Variants in FBLN1 observed in about 807,000 individuals in gnomAD.
FBLN1 encodes fibulin 1, also known as fibulin-1.
In FBLN1, 34 loss-of-function variants were observed where a neutral mutation model predicts 89.7. The observed-to-expected ratio is 0.38, with a 90% CI of 0.29 to 0.50. The LOEUF is 0.50. FBLN1 is among the 20% of genes least tolerant of loss of function. FBLN1 has a pLI of 0.92. For synonymous variants in FBLN1, 393 were observed against 391.3 expected, an observed-to-expected ratio of 1.00 and a Z score of -0.05; for missense variants, 777 against 988.1, an observed-to-expected ratio of 0.79 and a Z score of 2.86.
At chr22:45,554,308 C>T (rs2088748653) in intron 14 of FBLN1, among the ~76,000 whole-genome samples, 1 of 152,234 alleles carries the variant, frequency 6.6e-6, no homozygotes, top group African/African-American at 2.4e-5. Flanking sequence ...CATAGCTCCT[C>T]AGAGGCCCCC....
rs1174715012 is a variant in FBLN1 at position 45,562,110 on chromosome 22, T to A, written c.1697+11495T>A. 1.3e-5 allele frequency among the ~76,000 whole-genome samples: 2 copies of A among 152,212 alleles called. No individual in the cohort carries two copies. Among genetic ancestry groups the A allele is most frequent in the African/African-American group, 4.8e-5 (2 of 41,456 alleles). On this transcript the variant is annotated intron_variant, in intron 14 of 16. Transcript: ENST00000327858. The surrounding 1 kb of genome is among the most constrained non-coding windows in gnomAD (Gnocchi z 7.8). ...TTCAATCCAATCAAGTTGACACTAT[T>A]AACCATCACAGGACCTGTCCCCGTC...
chr22:45,586,495 C>A (rs1285499619), intron 16 of FBLN1, among the ~76,000 whole-genome samples: 1 of 152,216 alleles, frequency 6.6e-6, no homozygotes, highest in African/African-American at 2.4e-5. Flanking sequence ...GTGGACGGGA[C>A]CGTCATGGTC....
At position 45,575,092 on chromosome 22, in the gene FBLN1, C is replaced by G. The variant is rs1462772816; in HGVS notation, c.1840+439C>G. ...CCACCGCGCCTGGCAACTTGACATG[C>G]AGAACTTTCTTTGTGTCTGTGTCCC... On this transcript the variant is annotated intron_variant, in intron 15 of 16. Coordinates refer to ENST00000327858, the MANE Select transcript of FBLN1 (RefSeq NM_006486.3). The surrounding 1 kb of genome is among the most constrained non-coding windows in gnomAD (Gnocchi z 6.3). 6.6e-6 allele frequency among the ~76,000 whole-genome samples: 1 copy of G among 152,162 alleles called. No individual in the cohort carries two copies. Among genetic ancestry groups the G allele is most frequent in the Non-Finnish European group, 1.5e-5 (1 of 68,032 alleles).
At chr22:45,592,477 G>T (rs2089147070) in intron 16 of FBLN1, among the ~76,000 whole-genome samples, 1 of 152,110 alleles carries the variant, frequency 6.6e-6, no homozygotes. Context: ...ATAGGCGCCT[G>T]CCACCATGCC....
In FBLN1 at chr22:45,576,040, G is replaced by A. The variant is rs1327440973; in HGVS notation, c.1841-937G>A. On this transcript the variant is annotated intron_variant, in intron 15 of 16. Coordinates refer to ENST00000327858, the MANE Select transcript of FBLN1 (RefSeq NM_006486.3). This position sits in a 1 kb window ranked among gnomAD's most constrained non-coding sequence, Gnocchi z 5.2. ...TTTACACCATGACACAACCATGCGGGGGGGTGGGGGGAGGAGAGGCTCCCT... is the reference window on the plus strand; with the variant it reads ...TTTACACCATGACACAACCATGCGGAGGGGTGGGGGGAGGAGAGGCTCCCT... Among the ~76,000 whole-genome samples, 1 of 152,198 alleles carries A rather than the reference G, an allele frequency of 6.6e-6. No individual in the cohort carries two copies. Among genetic ancestry groups the A allele is most frequent in the Non-Finnish European group, 1.5e-5 (1 of 68,034 alleles).
At chr22:45,551,862 T>G (rs1480977594) in intron 14 of FBLN1, among the ~76,000 whole-genome samples, 2 of 152,242 alleles carry the variant, frequency 1.3e-5, no homozygotes, top group Non-Finnish European at 1.5e-5. Context: ...GGCTTGAGGA[T>G]TCCAGGAGGC....
Position 45,574,684 on chromosome 22 carries a change from C to A in FBLN1, c.1840+31C>A, listed in dbSNP as rs1046975801. 3.7e-6 allele frequency: 6 copies of A among 1,604,024 alleles called. No homozygotes were observed. The African/African-American group carries it at 5.3e-5, about 14-fold the overall frequency. On this transcript the variant is annotated intron_variant, in intron 15 of 16. Coordinates refer to ENST00000327858, the MANE Select transcript of FBLN1 (RefSeq NM_006486.3). The surrounding 1 kb of genome is among the most constrained non-coding windows in gnomAD (Gnocchi z 4.1). ...TGGGATGGGTGTGGGGGTCCCAGGG[C>A]CCCCTAGGGCCTCCCTCGGCTTCAG...
At chr22:45,570,356 A>AAAAAAAAAAAAAAAAG (rs2088942500) in intron 14 of FBLN1, among the ~76,000 whole-genome samples, 1 of 39,690 alleles carries the variant, frequency 2.5e-5, no homozygotes, top group African/African-American at 1.0e-4. Context: ...AAAAGAAAAG[A>AAAAAAAAAAAAAAAAG]AAAAAAAAAG....
chr22:45,581,409 G>T lies in FBLN1; in HGVS notation c.1972+4301G>T, dbSNP rs2089040711. Reference sequence around the variant, plus strand: ...AGAAGCCTCCCCTGACTGCTCCAGGGTCATGGCTGTGTGATAGGAGGGCCT... The same window carrying T: ...AGAAGCCTCCCCTGACTGCTCCAGGTTCATGGCTGTGTGATAGGAGGGCCT... On this transcript the variant is annotated intron_variant, in intron 16 of 16. Coordinates refer to ENST00000327858, the MANE Select transcript of FBLN1 (RefSeq NM_006486.3). This position sits in a 1 kb window ranked among gnomAD's most constrained non-coding sequence, Gnocchi z 7.6. Among the ~76,000 whole-genome samples, 4 of 152,022 alleles carry T rather than the reference G, an allele frequency of 2.6e-5. No homozygotes were observed. The highest frequency in any genetic ancestry group is 1.3e-4 in the Admixed American group (2 of 15,280).
chr22:45,515,210 C>T (rs1013766854), intron 1 of FBLN1, among the ~76,000 whole-genome samples: 1 of 152,148 alleles, frequency 6.6e-6, no homozygotes, highest in African/African-American at 2.4e-5. Context: ...CTCTTGGGTC[C>T]CCTCCCCATG....
chr22:45,560,234 C>T (rs1043882949), intron 14 of FBLN1, among the ~76,000 whole-genome samples: 1 of 152,192 alleles, frequency 6.6e-6, no homozygotes, highest in African/African-American at 2.4e-5. Flanking sequence ...CCAATTATTT[C>T]CATTGTATTT....
rs891092991 is a variant in FBLN1 at position 45,549,216 on chromosome 22, C to T, written c.1573+472C>T. Among the ~76,000 whole-genome samples the T allele has an allele frequency of 6.6e-6, 1 of 152,216 alleles. No individual in the cohort carries two copies. The highest frequency in any genetic ancestry group is 1.5e-5 in the Non-Finnish European group (1 of 68,034). On this transcript the variant is annotated intron_variant, in intron 13 of 16. Transcript: ENST00000327858. The surrounding 1 kb of genome is among the most constrained non-coding windows in gnomAD (Gnocchi z 5.7). ...GTTCTGCATTCAGCCCCCTTTTCTA[C>T]GAATGCTCTAGGGGGCAGTGTGTGT...
chr22:45,520,196 A>T (rs2088230761), intron 2 of FBLN1, among the ~76,000 whole-genome samples: 1 of 152,120 alleles, frequency 6.6e-6, no homozygotes, highest in African/African-American at 2.4e-5. Flanking sequence ...AAAATCAGAG[A>T]TCACCTATGA....
chr22:45,528,996 C>T (rs994421689), intron 4 of FBLN1, among the ~76,000 whole-genome samples: 4 of 152,138 alleles, frequency 2.6e-5, no homozygotes, highest in South Asian at 2.1e-4. Flanking sequence ...GGATGGAGTG[C>T]GAGATTGGGT....
intron 4 of FBLN1, among the ~76,000 whole-genome samples, chr22:45,529,454 T>C (rs1261597091): frequency 2.0e-5 from 3 of 152,212 alleles, no homozygotes; most frequent in African/African-American, 7.2e-5. Flanking sequence ...CACGGTTTCT[T>C]GTGCTGTAAC....
Position 45,590,677 on chromosome 22 carries a change from A to G in FBLN1, c.1973-9630A>G, listed in dbSNP as rs2089128691. Among the ~76,000 whole-genome samples the G allele has an allele frequency of 6.6e-6, 1 of 152,112 alleles. No individual in the cohort carries two copies. Among genetic ancestry groups the G allele is most frequent in the Admixed American group, 6.5e-5 (1 of 15,270 alleles). The stretch of plus-strand genomic sequence containing the variant: ...AGGTGGGGTTGTGGGGAGAGAAGGG[A>G]GGAGAGTCTGGAGACCTTTAGGAAT... On this transcript the variant is annotated intron_variant, in intron 16 of 16. Transcript: ENST00000327858. The surrounding 1 kb of genome is among the most constrained non-coding windows in gnomAD (Gnocchi z 4.1).
At chr22:45,503,998 G>A (rs984002813) in intron 1 of FBLN1, among the ~76,000 whole-genome samples, 6 of 152,186 alleles carry the variant, frequency 3.9e-5, no homozygotes, top group Non-Finnish European at 8.8e-5. Flanking sequence ...CTGACCCGTG[G>A]CTTCTCAGAG....
At chr22:45,514,334 A>T (rs1393537326) in intron 1 of FBLN1, among the ~76,000 whole-genome samples, 1 of 152,144 alleles carries the variant, frequency 6.6e-6, no homozygotes, top group Non-Finnish European at 1.5e-5. Flanking sequence ...TTTTGTTGGC[A>T]TCTGGAGCCA....
In FBLN1 at chr22:45,572,589, G is replaced by A. The variant is rs572170654; in HGVS notation, c.1698-1922G>A. 6.6e-6 allele frequency among the ~76,000 whole-genome samples: 1 copy of A among 152,368 alleles called. No individual in the cohort carries two copies. Among genetic ancestry groups the A allele is most frequent in the African/African-American group, 2.4e-5 (1 of 41,590 alleles). ...AGGGAAGCATCTGTTTACAGGAGTA[G>A]TCCAGCTAATAAATGGAAGTGAAGT... On this transcript the variant is annotated intron_variant, in intron 14 of 16. Transcript: ENST00000327858. The surrounding 1 kb of genome is among the most constrained non-coding windows in gnomAD (Gnocchi z 5.8).
Sources: gnomAD v4.1 joint callset for allele counts (sites outside exome capture counted in the v4.1 genomes callset) on GRCh38, gnomAD v4.1.1 for gene constraint, Gnocchi (gnomAD v3.1) non-coding constraint, MANE v1.5 for transcripts, NCBI Gene and HGNC (gene_info 2026-07-23, HGNC 2026-07-21) for gene names.